IL2: variants seen among roughly 807,000 people sequenced by gnomAD.
IL2 encodes the protein interleukin 2.
Under a neutral mutation model 14.6 loss-of-function variants are expected in IL2, and 3 were observed. That is an observed-to-expected ratio of 0.21 (90% CI 0.09 to 0.53). IL2 has a LOEUF of 0.53. IL2 is among the 20% of genes least tolerant of loss of function. The pLI is 0.95. For synonymous variants in IL2, 71 were observed against 60.0 expected, an observed-to-expected ratio of 1.18 and a Z score of -0.85; for missense variants, 125 against 170.8, an observed-to-expected ratio of 0.73 and a Z score of 1.50.
intron 2 of IL2, among the ~76,000 whole-genome samples, chr4:122,455,135 A>C (rs1037738146): frequency 6.6e-6 from 1 of 151,812 alleles, no homozygotes; most frequent in African/African-American, 2.4e-5. Context: ...GGGTAGTTAG[A>C]AGCAGATTTC....
At chr4:122,453,570 C>T (rs1438814510) in intron 3 of IL2, 140 bp downstream of exon 3, 5 of 649,216 alleles carry the variant, frequency 7.7e-6, no homozygotes, top group Non-Finnish European at 1.3e-5. Flanking sequence ...TTCATGTTCA[C>T]AGTGTACTTA....
Position 122,451,780 on chromosome 4 carries a change from C to CA in IL2, c.433dup (p.Cys145LeufsTer44). ...AGTCAGTGTTGAGATGATGCTTTGACAAAAGGTAATCCATCTGTTCAGAAA... is the reference window on the plus strand; with the variant it reads ...AGTCAGTGTTGAGATGATGCTTTGACAAAAAGGTAATCCATCTGTTCAGAAA... On this transcript the variant is annotated frameshift_variant, in exon 4 of 4. Transcript: ENST00000226730. LOFTEE classifies it high-confidence loss of function. The CA allele has an allele frequency of 6.3e-7, 1 of 1,580,656 alleles. No homozygotes were observed. The highest frequency in any genetic ancestry group is 8.6e-7 in the Non-Finnish European group (1 of 1,159,314).
rs777653596 is a variant in IL2 at position 122,456,396 on chromosome 4, T to G, written c.45A>C (p.Ala15=). ...QLLSCIALSL[A]LVTNSAPTSS... ...AAGTAGGTGCACTGTTTGTGACAAGTGCAAGACTTAGTGCAATGCAAGACA... is the reference window on the plus strand; with the variant it reads ...AAGTAGGTGCACTGTTTGTGACAAGGGCAAGACTTAGTGCAATGCAAGACA... The change falls in exon 1 of 4, where the codon GCA becomes GCC. Residue 15 remains alanine, a synonymous_variant. Transcript: ENST00000226730. 2.5e-6 allele frequency: 4 copies of G among 1,612,396 alleles called. No homozygotes were observed. In the South Asian group the frequency reaches 4.4e-5, roughly 18 times the overall value.
intron 2 of IL2, among the ~76,000 whole-genome samples, chr4:122,454,075 A>T (rs934368708): frequency 1.5e-4 from 23 of 151,886 alleles, no homozygotes; most frequent in African/African-American, 5.3e-4. Flanking sequence ...CACTGGTTTT[A>T]GCTTAATTTG....
intron 2 of IL2, among the ~76,000 whole-genome samples, chr4:122,455,691 C>T (rs944984205): frequency 6.6e-6 from 1 of 151,934 alleles, no homozygotes; most frequent in African/African-American, 2.4e-5. Flanking sequence ...TGAGATTTCA[C>T]TTCAGATATC....
In IL2 at chr4:122,456,219, GC is replaced by G. The variant is rs1215165427; in HGVS notation, c.148-17del. The G allele has an allele frequency of 6.2e-7, 1 of 1,604,316 alleles. No individual in the cohort carries two copies. The highest frequency in any genetic ancestry group is 1.7e-5 in the Admixed American group (1 of 59,754). Reference sequence around the variant, plus strand: ...TCTTGTAATTCTAAGAAAGTATAATGCATTGTTATTAAGAAATGATCTCCAG... The same window carrying G: ...TCTTGTAATTCTAAGAAAGTATAATGATTGTTATTAAGAAATGATCTCCAG... On this transcript the variant is annotated splice_polypyrimidine_tract_variant and intron_variant, in intron 1 of 3. Transcript: ENST00000226730.
chr4:122,454,527 A>G (rs886496312), intron 2 of IL2, among the ~76,000 whole-genome samples: 18 of 151,842 alleles, frequency 1.2e-4, no homozygotes, highest in African/African-American at 4.3e-4. Context: ...TCATATTTCT[A>G]TGGTATATTA....
chr4:122,453,596 A>C, intron 3 of IL2, 114 bp downstream of exon 3: 1 of 763,272 alleles, frequency 1.3e-6, no homozygotes. Context: ...TAGGCTAATT[A>C]CATGCATGGG....
rs552800356 is a variant in IL2, at chr4:122,454,544, A to T, written c.208-691T>A. ...ATATTTCTATGGTATATTACAATTTAAAAGAATTTTCTCCAAAATAGGCCC... is the reference window on the plus strand; with the variant it reads ...ATATTTCTATGGTATATTACAATTTTAAAGAATTTTCTCCAAAATAGGCCC... On this transcript the variant is annotated intron_variant, in intron 2 of 3. Coordinates refer to ENST00000226730, the MANE Select transcript of IL2 (RefSeq NM_000586.4). 7.2e-5 allele frequency among the ~76,000 whole-genome samples: 11 copies of T among 151,826 alleles called. No individual in the cohort carries two copies. The East Asian group carries it at 1.9e-3, about 27-fold the overall frequency.
At chr4:122,453,142 C>G (rs1399209539) in intron 3 of IL2, among the ~76,000 whole-genome samples, 1 of 151,794 alleles carries the variant, frequency 6.6e-6, no homozygotes, top group African/African-American at 2.4e-5. Flanking sequence ...CACCTGAGTC[C>G]CTTGCATATT....
chr4:122,455,179 G>A (rs948159410), intron 2 of IL2, among the ~76,000 whole-genome samples: 1 of 151,764 alleles, frequency 6.6e-6, no homozygotes, highest in African/African-American at 2.4e-5. Context: ...CAATGGGATT[G>A]CATCTGTGTC....
Position 122,456,493 on chromosome 4 carries a change from A to C in IL2, c.-53T>G. On this transcript the variant is annotated 5_prime_UTR_variant, in exon 1 of 4. Transcript: ENST00000226730. Reference sequence around the variant, plus strand: ...TAGTGATTAAAGAGAGTGATAGGGAACTCTTGAACAAGAGATGCAATTTAT... The same window carrying C: ...TAGTGATTAAAGAGAGTGATAGGGACCTCTTGAACAAGAGATGCAATTTAT... The C allele has an allele frequency of 7.1e-7, 1 of 1,412,290 alleles. No individual in the cohort carries two copies. Among genetic ancestry groups the C allele is most frequent in the Non-Finnish European group, 9.7e-7 (1 of 1,033,868 alleles). 87.5% of individuals were successfully genotyped at this position (1,412,290 alleles called of 1,614,324 possible). A position where few individuals can be genotyped will look rare whatever the true frequency, so the allele number is the denominator to read the frequency against.
Position 122,451,575 on chromosome 4 carries a change from C to A in IL2, c.*177G>T. On this transcript the variant is annotated 3_prime_UTR_variant, in exon 4 of 4. Coordinates refer to ENST00000226730, the MANE Select transcript of IL2 (RefSeq NM_000586.4). ...ATATTTTGGGATAAATAAGTGAAAC[C>A]ATTTTAGAGCCCCTAGGGCTTACAA... 2.9e-6 allele frequency: 1 copy of A among 343,040 alleles called. No individual in the cohort carries two copies. Among genetic ancestry groups the A allele is most frequent in the East Asian group, 4.5e-5 (1 of 22,348 alleles). The allele number at this position is 343,040 out of a possible 1,614,324, so 21.2% of individuals were successfully genotyped here. A position where few individuals can be genotyped will look rare whatever the true frequency, so the allele number is the denominator to read the frequency against.
At chr4:122,452,205 T>G (rs1270740100) in intron 3 of IL2, among the ~76,000 whole-genome samples, 1 of 152,136 alleles carries the variant, frequency 6.6e-6, no homozygotes, top group Non-Finnish European at 1.5e-5. Context: ...TCGCTTTTCC[T>G]CTGAATGTAC....
chr4:122,453,048 G>C (rs1356132231), intron 3 of IL2, among the ~76,000 whole-genome samples: 1 of 151,898 alleles, frequency 6.6e-6, no homozygotes, highest in East Asian at 1.9e-4. Context: ...TACTTATGCT[G>C]CTTATTTAGG....
In IL2 at chr4:122,456,614, T is replaced by C; in HGVS notation, c.-174A>G. ...TTACCTGTCTGAAAAAACATTACCT[T>C]CATTTTTCCTCTTCTGATGACTCTT... On this transcript the variant is annotated 5_prime_UTR_variant, in exon 1 of 4. Coordinates refer to ENST00000226730, the MANE Select transcript of IL2 (RefSeq NM_000586.4). 1.9e-6 allele frequency: 1 copy of C among 516,054 alleles called. No homozygotes were observed. The highest frequency in any genetic ancestry group is 3.4e-6 in the Non-Finnish European group (1 of 294,392). 32.0% of individuals were successfully genotyped at this position (516,054 alleles called of 1,614,324 possible).
Position 122,451,651 on chromosome 4 carries a change from T to C in IL2, c.*101A>G, listed in dbSNP as rs1252375169. The C allele has an allele frequency of 2.3e-6, 1 of 428,890 alleles. No individual in the cohort carries two copies. Among genetic ancestry groups the C allele is most frequent in the Admixed American group, 4.2e-5 (1 of 23,640 alleles). The allele number at this position is 428,890 out of a possible 1,614,324, so 26.6% of individuals were successfully genotyped here. ...ATAGTTTTAAGATTAAGAATAATAG[T>C]TACAATAGGTAGCAAACCATACATT... On this transcript the variant is annotated 3_prime_UTR_variant, in exon 4 of 4. Transcript: ENST00000226730.
intron 3 of IL2, among the ~76,000 whole-genome samples, chr4:122,452,103 CA>C (rs1475342048): frequency 1.3e-5 from 2 of 151,904 alleles, no homozygotes; most frequent in Admixed American, 6.6e-5. Context: ...TCAATGAACA[CA>C]AAAATTTTTT....
intron 3 of IL2, among the ~76,000 whole-genome samples, chr4:122,452,394 G>A (rs1580833748): frequency 6.6e-6 from 1 of 152,000 alleles, no homozygotes; most frequent in East Asian, 1.9e-4. Context: ...GGATAAATTT[G>A]TGTGAAGAAC....
Sources: allele counts gnomAD v4.1 joint callset (sites outside exome capture counted in the v4.1 genomes callset), GRCh38; gene constraint gnomAD v4.1.1; transcripts MANE v1.5; gene names NCBI Gene and HGNC (gene_info 2026-07-23, HGNC 2026-07-21).